DIDO1: variants seen among roughly 807,000 people sequenced by gnomAD.
DIDO1 encodes the protein death inducer-obliterator 1, also known as death-inducer obliterator 1.
DIDO1 carries 16 observed loss-of-function variants against 99.4 expected under a neutral mutation model. The ratio of observed to expected loss-of-function variants is 0.16; its 90% CI spans 0.11 to 0.24. The LOEUF (loss-of-function observed/expected upper bound fraction) is 0.24, where lower values mean the gene tolerates loss of function less well. DIDO1 is among the 10% of genes least tolerant of loss of function. The probability of loss-of-function intolerance (pLI) is 1.00; values close to 1 mark genes in which losing one functional copy is unlikely to be tolerated. For missense variants in DIDO1, 2,996 were observed against 3,014.0 expected, an observed-to-expected ratio of 0.99 and a Z score of 0.14; for synonymous variants, 1,366 against 1,239.1, an observed-to-expected ratio of 1.10 and a Z score of -2.15.
chr20:62,937,827 TC>T, exon 1 of DIDO1: 1 of 398,098 alleles, frequency 2.5e-6, no homozygotes, highest in Non-Finnish European at 4.4e-6. Flanking sequence ...GACGTCGCCA[TC>T]CCGGTTCCAG....
intron 8 of DIDO1, 61 bp from the exon 9 acceptor site, chr20:62,895,226 C>A: frequency 6.7e-7 from 1 of 1,488,434 alleles, no homozygotes; most frequent in Non-Finnish European, 9.3e-7. Context: ...ATACAGAGAG[C>A]TTCTGGAAAA....
In DIDO1 at chr20:62,896,066, G is replaced by C. The variant is rs1168990339; in HGVS notation, c.2214+167C>G. Reference sequence around the variant, plus strand: ...AGGGAAGGGAAGGGGTTTCCAGGACGCTCAACGCCAGTGCAACAATACGTG... The same window carrying C: ...AGGGAAGGGAAGGGGTTTCCAGGACCCTCAACGCCAGTGCAACAATACGTG... On this transcript the variant is annotated intron_variant, in intron 8 of 15. Transcript: ENST00000395343. The surrounding 1 kb of genome is among the most constrained non-coding windows in gnomAD (Gnocchi z 4.4). Among the ~76,000 whole-genome samples, 1 of 152,138 alleles carries C rather than the reference G, an allele frequency of 6.6e-6. No individual in the cohort carries two copies. Among genetic ancestry groups the C allele is most frequent in the African/African-American group, 2.4e-5 (1 of 41,410 alleles).
At chr20:62,904,546 C>T (rs1167568034) in intron 6 of DIDO1, among the ~76,000 whole-genome samples, 1 of 151,948 alleles carries the variant, frequency 6.6e-6, no homozygotes, top group Non-Finnish European at 1.5e-5. Context: ...CTGGGAAGGC[C>T]GAGTTGGGCA....
chr20:62,897,239 CT>C (rs2064557462), intron 6 of DIDO1, among the ~76,000 whole-genome samples: 1 of 152,228 alleles, frequency 6.6e-6, no homozygotes, highest in Admixed American at 6.5e-5. Flanking sequence ...ATTATTCTAT[CT>C]TTTACCTTCA....
rs1600948925 is a variant in DIDO1, at chr20:62,896,841, C to T, written c.1744G>A (p.Ala582Thr). The change falls in exon 7 of 16, where the codon GCC (alanine) becomes ACC (threonine). Residue 582 changes from alanine (A) to threonine (T), a missense_variant. Physicochemically the swap from Ala to Thr is moderately conservative, Grantham distance 58. Transcript: ENST00000395343. The surrounding 1 kb of genome is among the most constrained non-coding windows in gnomAD (Gnocchi z 4.4). ...SFANVAAATP[A>T]IKKPPSGFKG... ...AAACCTGAGGGTGGCTTTTTAATGG[C>T]TGGTGTGGCTGCTGCCACATTAGCA... 6.2e-7 allele frequency: 1 copy of T among 1,613,944 alleles called. No individual in the cohort carries two copies. Among genetic ancestry groups the T allele is most frequent in the East Asian group, 2.2e-5 (1 of 44,884 alleles).
chr20:62,896,387 T>C lies in DIDO1; in HGVS notation c.2060A>G (p.Asn687Ser), dbSNP rs144924873. Residue 687 changes from asparagine (N) to serine (S), a missense_variant, in exon 8 of 16, where the codon AAT (asparagine) becomes AGT (serine). Asn to Ser is a conservative substitution (Grantham distance 46, BLOSUM62 1). Transcript: ENST00000395343. The surrounding 1 kb of genome is among the most constrained non-coding windows in gnomAD (Gnocchi z 4.4). ...TGTCATGATTAAGTCATCGCTGTCATTGACTCTGAACAGAATAAAAAAAAG... is the reference window on the plus strand; with the variant it reads ...TGTCATGATTAAGTCATCGCTGTCACTGACTCTGAACAGAATAAAAAAAAG... ...SLKEILWKRV[N>S]DSDDLIMTEN... 1,004 of 1,613,978 alleles carry C rather than the reference T, an allele frequency of 6.2e-4. 1 individual carries two copies. The highest frequency in any genetic ancestry group is 3.1e-3 in the Admixed American group (183 of 59,960).
At position 62,881,667 on chromosome 20, in the gene DIDO1, T is replaced by A; in HGVS notation, c.4289A>T (p.Asp1430Val). 6.2e-7 allele frequency: 1 copy of A among 1,612,766 alleles called. No individual in the cohort carries two copies. Among genetic ancestry groups the A allele is most frequent in the Non-Finnish European group, 8.5e-7 (1 of 1,180,006 alleles). Residue 1430 changes from aspartate to valine, a missense_variant, in exon 16 of 16, where the codon GAT (aspartate) becomes GTT (valine). By Grantham distance (152) the Asp-to-Val change is radical (BLOSUM62 -3). Coordinates refer to ENST00000395343, the MANE Select transcript of DIDO1 (RefSeq NM_001193369.2). This position sits in a 1 kb window ranked among gnomAD's most constrained non-coding sequence, Gnocchi z 8.3. The part of the protein sequence containing the change: ...EREEVAYDPE[D>V]ETILEEAKVT... ...TTTCGCTTCTTCTAAGATGGTCTCA[T>A]CCTCGGGGTCATAGGCCACCTCTTC... is the stretch of plus-strand genomic sequence containing the variant.
intron 6 of DIDO1, chr20:62,905,337 T>C (rs887897255): frequency 7.0e-6 from 10 of 1,427,004 alleles, no homozygotes; most frequent in South Asian, 3.0e-5. Flanking sequence ...GAATCGGACA[T>C]GGAAAAAAAA....
intron 6 of DIDO1, among the ~76,000 whole-genome samples, chr20:62,902,659 G>A (rs1231445176): frequency 2.0e-5 from 3 of 152,154 alleles, no homozygotes; most frequent in African/African-American, 4.8e-5. Context: ...CCTTGTGAAC[G>A]GTGTTCTCCG....
At chr20:62,927,650 G>A (rs916337433), upstream of DIDO1, among the ~76,000 whole-genome samples, 1 of 152,268 alleles carries the variant, frequency 6.6e-6, no homozygotes, top group Non-Finnish European at 1.5e-5. Flanking sequence ...CCAGAGTGCC[G>A]TAAAGCTGCC....
intron 1 of DIDO1, among the ~76,000 whole-genome samples, chr20:62,919,495 G>A (rs59979282): frequency 0.018 from 2,666 of 151,966 alleles, 88 homozygotes; most frequent in African/African-American, 0.061. Context: ...AGCTGAGATC[G>A]TGCCACTGTA....
chr20:62,892,734 A>G, intron 13 of DIDO1, 75 bp downstream of exon 13: 1 of 1,515,114 alleles, frequency 6.6e-7, no homozygotes, highest in African/African-American at 1.4e-5. Context: ...TAAGGGAGAA[A>G]GTCATGTGTT....
At chr20:62,935,242 G>A (rs1411712442) in intron 1 of DIDO1, among the ~76,000 whole-genome samples, 1 of 152,094 alleles carries the variant, frequency 6.6e-6, no homozygotes, top group African/African-American at 2.4e-5. Context: ...TTTCCATCCT[G>A]ACTGAAGGTC....
chr20:62,882,915 CTTTTTTTTTTT>C (rs10583836), intron 15 of DIDO1, among the ~76,000 whole-genome samples: 8 of 81,380 alleles, frequency 9.8e-5, no homozygotes, highest in South Asian at 5.1e-4. Flanking sequence ...AACAAACAGC[CTTTTTTTTTTT>C]TTTTTTTTTT....
chr20:62,881,033 G>A lies in DIDO1; in HGVS notation c.4923C>T (p.Gly1641=). 3.7e-6 allele frequency: 6 copies of A among 1,603,488 alleles called. No homozygotes were observed. Among genetic ancestry groups the A allele is most frequent in the East Asian group, 4.5e-5 (2 of 44,732 alleles). The part of the protein sequence containing the change: ...QDGWKAEPGE[G]TRPATVGDSS... ...TGTCTCCAACCGTGGCGGGGCGGGT[G>A]CCCTCCCCAGGCTCTGCCTTCCAGC... Residue 1641 remains glycine, a synonymous_variant, in exon 16 of 16, where the codon GGC becomes GGT. Transcript: ENST00000395343. This position sits in a 1 kb window ranked among gnomAD's most constrained non-coding sequence, Gnocchi z 8.3.
chr20:62,892,159 T>A, intron 13 of DIDO1, 83 bp from the exon 14 acceptor site: 1 of 1,121,484 alleles, frequency 8.9e-7, no homozygotes, highest in South Asian at 1.5e-5. Flanking sequence ...AGGCACACAC[T>A]ACCCAAGATT....
chr20:62,888,666 G>A (rs973854349), intron 15 of DIDO1: 72 of 985,042 alleles, frequency 7.3e-5, no homozygotes, highest in African/African-American at 5.9e-4. Flanking sequence ...ACACACACAC[G>A]CGCGCACATG....
At chr20:62,922,760 T>A (rs1460778989) in intron 1 of DIDO1, among the ~76,000 whole-genome samples, 1 of 152,212 alleles carries the variant, frequency 6.6e-6, no homozygotes, top group Non-Finnish European at 1.5e-5. Flanking sequence ...AAGGCCCTCT[T>A]AGGCGAGTCT....
In DIDO1 at chr20:62,896,632, T is replaced by G; in HGVS notation, c.1953A>C (p.Pro651=). 1 of 1,613,970 alleles carries G rather than the reference T, an allele frequency of 6.2e-7. No individual in the cohort carries two copies. Residue 651 remains proline (P), a synonymous_variant, in exon 7 of 16, where the codon CCA becomes CCC. Coordinates refer to ENST00000395343, the MANE Select transcript of DIDO1 (RefSeq NM_001193369.2). The surrounding 1 kb of genome is among the most constrained non-coding windows in gnomAD (Gnocchi z 4.4). The part of the protein sequence containing the change: ...PVVPSVPMAS[P]APGRLGAMSA... ...TCATAGCCCCAAGGCGTCCTGGGGC[T>G]GGCGAGGCCATTGGAACAGAAGGTA...
Sources: allele counts gnomAD v4.1 joint callset (sites outside exome capture counted in the v4.1 genomes callset), GRCh38; gene constraint gnomAD v4.1.1; non-coding constraint Gnocchi (gnomAD v3.1); transcripts MANE v1.5; gene names NCBI Gene and HGNC (gene_info 2026-07-23, HGNC 2026-07-21).